Variants in ANTXRL observed in about 807,000 individuals in gnomAD.
The protein encoded by ANTXRL is anthrax toxin receptor-like.
Under a neutral mutation model 75.4 loss-of-function variants are expected in ANTXRL, and 63 were observed. The observed-to-expected ratio is 0.84, with a 90% CI of 0.68 to 1.03. The LOEUF (loss-of-function observed/expected upper bound fraction) is 1.03, where lower values mean the gene tolerates loss of function less well. ANTXRL is among the 50% of genes least tolerant of loss of function. The probability of loss-of-function intolerance (pLI) is 0.00; values close to 1 mark genes in which losing one functional copy is unlikely to be tolerated. For synonymous variants in ANTXRL, 335 were observed against 291.3 expected (o/e 1.15, Z -1.53); for missense variants, 797 against 789.4 (o/e 1.01, Z -0.12).
At chr10:46,302,601 C>G (rs1837821494) in intron 9 of ANTXRL, 121 bp from the exon 10 acceptor site, 1 of 689,284 alleles carries the variant, frequency 1.5e-6, no homozygotes, top group Non-Finnish European at 2.5e-6. Flanking sequence ...AGACACAGCT[C>G]TTTCCTTACA....
chr10:46,292,143 C>T lies in ANTXRL; in HGVS notation c.320+14C>T. ...GAGGTTCCAAAGGTACAGATCTCTG[C>T]ATGGCAGCCTCCCCTGAGCTGCAGA... On this transcript the variant is annotated intron_variant, in intron 2 of 16. Coordinates refer to ENST00000620264, the MANE Select transcript of ANTXRL (RefSeq NM_001278688.3). 6.5e-7 allele frequency: 1 copy of T among 1,535,688 alleles called. No individual in the cohort carries two copies. The highest frequency in any genetic ancestry group is 8.7e-7 in the Non-Finnish European group (1 of 1,146,426).
At chr10:46,313,941 C>G (rs555192371) in intron 16 of ANTXRL, among the ~76,000 whole-genome samples, 5 of 152,198 alleles carry the variant, frequency 3.3e-5, no homozygotes, top group Non-Finnish European at 7.3e-5. Context: ...CCTTTTGGAT[C>G]AGCACCAAGG....
chr10:46,297,500 C>T (rs1216343844), intron 7 of ANTXRL, 26 bp downstream of exon 7: 1 of 1,533,574 alleles, frequency 6.5e-7, no homozygotes, highest in Non-Finnish European at 8.7e-7. Context: ...TAACCAGGCG[C>T]CACTTTCAAG....
At position 46,313,317 on chromosome 10, in the gene ANTXRL, G is replaced by C. The variant is rs1306795051; in HGVS notation, c.1410+1G>C. 5.9e-6 allele frequency: 9 copies of C among 1,535,854 alleles called. No individual in the cohort carries two copies. The East Asian group carries it at 2.0e-4, about 33-fold the overall frequency. ...GATGTGTTGTCAGAGCAGGGACCAG[G>C]TGAGCTAGGGCACAGGGACACAGTT... is the stretch of plus-strand genomic sequence containing the variant. On this transcript the variant is annotated splice_donor_variant, in intron 16 of 16. Coordinates refer to ENST00000620264, the MANE Select transcript of ANTXRL (RefSeq NM_001278688.3). LOFTEE classifies it high-confidence loss of function.
intron 1 of ANTXRL, among the ~76,000 whole-genome samples, chr10:46,288,717 G>A (rs1253297755): frequency 1.3e-5 from 2 of 152,126 alleles, no homozygotes; most frequent in Non-Finnish European, 2.9e-5. Flanking sequence ...GAATTTGCAG[G>A]TCAGAGGCGA....
intron 12 of ANTXRL, 35 bp downstream of exon 12, chr10:46,307,515 G>T (rs1554962250): frequency 6.6e-7 from 1 of 1,505,716 alleles, no homozygotes; most frequent in Admixed American, 2.0e-5. Context: ...ACATGTATGA[G>T]GACTGTCCAG....
chr10:46,296,750 C>T (rs577658886), intron 5 of ANTXRL, among the ~76,000 whole-genome samples: 1 of 152,134 alleles, frequency 6.6e-6, no homozygotes, highest in African/African-American at 2.4e-5. Context: ...GGGTCCCCTG[C>T]CCAGGTGCCA....
At chr10:46,325,763 C>G (rs1399031099) in intron 16 of ANTXRL, among the ~76,000 whole-genome samples, 1 of 152,126 alleles carries the variant, frequency 6.6e-6, no homozygotes, top group Non-Finnish European at 1.5e-5. Flanking sequence ...ATCTTAGGAA[C>G]TGAATGTAAA....
chr10:46,299,021 A>G (rs1272156207), intron 9 of ANTXRL, among the ~76,000 whole-genome samples: 1 of 151,924 alleles, frequency 6.6e-6, no homozygotes, highest in African/African-American at 2.4e-5. Context: ...AAAGCAAGAA[A>G]AGACATGTGT....
In ANTXRL at chr10:46,313,316, G is replaced by A. The variant is rs1554964013; in HGVS notation, c.1410G>A (p.Gln470=). 5 of 1,535,832 alleles carry A rather than the reference G, an allele frequency of 3.3e-6. No homozygotes were observed. In the African/African-American group the frequency reaches 6.8e-5, roughly 21 times the overall value. ...GGATGTGTTGTCAGAGCAGGGACCA[G>A]GTGAGCTAGGGCACAGGGACACAGT... is the stretch of plus-strand genomic sequence containing the variant. ...VPWMCCQSRD[Q]GRYLSLALAQ... Residue 470 remains glutamine, a splice_region_variant and synonymous_variant, in exon 16 of 17, where the codon CAG becomes CAA. Coordinates refer to ENST00000620264, the MANE Select transcript of ANTXRL (RefSeq NM_001278688.3).
rs1554960906 is a variant in ANTXRL, at chr10:46,302,835, C to T, written c.895+15C>T. On this transcript the variant is annotated intron_variant, in intron 10 of 16. Transcript: ENST00000620264. The stretch of plus-strand genomic sequence containing the variant: ...CACTATCATTGGTAAGTTGTCTCCT[C>T]TGTGCCTCTGAGTCACGTATTTCCC... 1 of 1,505,404 alleles carries T rather than the reference C, an allele frequency of 6.6e-7. No individual in the cohort carries two copies. Among genetic ancestry groups the T allele is most frequent in the Non-Finnish European group, 8.9e-7 (1 of 1,119,648 alleles). 93.3% of individuals were successfully genotyped at this position (1,505,404 alleles called of 1,614,324 possible). A position where few individuals can be genotyped will look rare whatever the true frequency, so the allele number is the denominator to read the frequency against.
At chr10:46,286,981 C>T, upstream of ANTXRL, 1 of 506,998 alleles carries the variant, frequency 2.0e-6, no homozygotes, top group Non-Finnish European at 3.5e-6. Context: ...GTCACCATGT[C>T]AACCTTCCTG....
At chr10:46,299,660 C>T (rs868943752) in intron 9 of ANTXRL, among the ~76,000 whole-genome samples, 12 of 152,112 alleles carry the variant, frequency 7.9e-5, no homozygotes, top group African/African-American at 2.4e-4. Context: ...ACAGACACAC[C>T]GTATATGTCT....
intron 2 of ANTXRL, 133 bp downstream of exon 2, chr10:46,292,262 C>A: frequency 1.2e-6 from 1 of 831,674 alleles, no homozygotes; most frequent in Non-Finnish European, 1.9e-6. Context: ...CACAAGGTGG[C>A]ATTCTGAAGC....
chr10:46,305,447 C>T (rs1226377660), intron 10 of ANTXRL, among the ~76,000 whole-genome samples: 1 of 152,200 alleles, frequency 6.6e-6, no homozygotes, highest in Non-Finnish European at 1.5e-5. Flanking sequence ...CAGAGAAAGC[C>T]TTTTAAAGGA....
intron 16 of ANTXRL, among the ~76,000 whole-genome samples, chr10:46,320,124 C>T (rs1275337680): frequency 6.6e-6 from 1 of 152,258 alleles, no homozygotes; most frequent in African/African-American, 2.4e-5. Flanking sequence ...CATGATAGGT[C>T]CTGTGATCAG....
At chr10:46,305,442 A>G (rs1554961638) in intron 10 of ANTXRL, among the ~76,000 whole-genome samples, 1 of 152,226 alleles carries the variant, frequency 6.6e-6, no homozygotes, top group Non-Finnish European at 1.5e-5. Context: ...AAAAGCAGAG[A>G]AAGCCTTTTA....
chr10:46,310,640 A>G (rs1838366053), intron 14 of ANTXRL, 141 bp downstream of exon 14: 1 of 893,082 alleles, frequency 1.1e-6, no homozygotes, highest in African/African-American at 1.7e-5. Flanking sequence ...GGAGCCTGAG[A>G]AGATGGGGGA....
chr10:46,317,223 C>T (rs868976577), intron 16 of ANTXRL, among the ~76,000 whole-genome samples: 2 of 152,240 alleles, frequency 1.3e-5, no homozygotes, highest in Middle Eastern at 3.4e-3. Context: ...CCTTAATTTA[C>T]TAATATCAAT....
Sources: allele counts gnomAD v4.1 joint callset (sites outside exome capture counted in the v4.1 genomes callset), GRCh38; gene constraint gnomAD v4.1.1; transcripts MANE v1.5; gene names NCBI Gene and HGNC (gene_info 2026-07-23, HGNC 2026-07-21).